MARCHF6: variants seen among roughly 807,000 people sequenced by gnomAD.
MARCHF6 encodes the protein E3 ubiquitin-protein ligase MARCHF6.
MARCHF6 carries 31 observed loss-of-function variants against 133.7 expected under a neutral mutation model. The ratio of observed to expected loss-of-function variants is 0.23; its 90% CI spans 0.17 to 0.31. The LOEUF (loss-of-function observed/expected upper bound fraction) is 0.31, where lower values mean the gene tolerates loss of function less well. Ranked by LOEUF, MARCHF6 falls within the 10% of genes least tolerant of loss-of-function variation. The probability of loss-of-function intolerance (pLI) is 1.00; values close to 1 mark genes in which losing one functional copy is unlikely to be tolerated. For synonymous variants in MARCHF6, 395 were observed against 402.5 expected, an observed-to-expected ratio of 0.98 and a Z score of 0.22; for missense variants, 723 against 1,121.6, an observed-to-expected ratio of 0.64 and a Z score of 5.08.
At chr5:10,386,707 A>C (rs920186243) in intron 4 of MARCHF6, among the ~76,000 whole-genome samples, 1 of 152,216 alleles carries the variant, frequency 6.6e-6, no homozygotes, top group African/African-American at 2.4e-5. Context: ...TCTTTACTTT[A>C]GATTTTTCTT....
At chr5:10,395,090 C>T (rs544275368) in intron 9 of MARCHF6, among the ~76,000 whole-genome samples, 7 of 152,146 alleles carry the variant, frequency 4.6e-5, no homozygotes, top group African/African-American at 1.4e-4. Context: ...TGAGCCACCG[C>T]GCCCGGCCAA....
At position 10,429,926 on chromosome 5, in the gene MARCHF6, G is replaced by A. The variant is rs772510432; in HGVS notation, c.2540G>A (p.Arg847Gln). The change falls in exon 25 of 26, where the codon CGG becomes CAG. Residue 847 changes from arginine (R) to glutamine (Q), a missense_variant. This residue lies in a region of MARCHF6 where 492 missense variants were observed against 699.5 expected (regional missense o/e 0.70). Coordinates refer to ENST00000274140, the MANE Select transcript of MARCHF6 (RefSeq NM_005885.4). ...VTAEMQNLVH[R>Q]RIYPFLLMVV... ...GCGGAAATGCAAAACTTAGTCCATC[G>A]GCGGATTTATCCATTTTTACTGATG... is the stretch of plus-strand genomic sequence containing the variant. 2.5e-6 allele frequency: 4 copies of A among 1,613,126 alleles called. No homozygotes were observed. The highest frequency in any genetic ancestry group is 1.7e-5 in the Admixed American group (1 of 60,000).
At chr5:10,404,718 T>C (rs1220565800) in intron 15 of MARCHF6, among the ~76,000 whole-genome samples, 1 of 152,172 alleles carries the variant, frequency 6.6e-6, no homozygotes, top group African/African-American at 2.4e-5. Flanking sequence ...TGTACTTTGT[T>C]CTTTGAAAGA....
intron 9 of MARCHF6, among the ~76,000 whole-genome samples, chr5:10,395,238 G>GA (rs772768803): frequency 1.3e-5 from 2 of 152,116 alleles, no homozygotes; most frequent in Non-Finnish European, 2.9e-5. Flanking sequence ...TTAGTGTGCT[G>GA]AAAATATTGA....
At chr5:10,429,064 A>G (rs571270403) in intron 24 of MARCHF6, among the ~76,000 whole-genome samples, 69 of 152,314 alleles carry the variant, frequency 4.5e-4, no homozygotes, top group African/African-American at 1.6e-3. Flanking sequence ...TTTAAGGAGT[A>G]AGAGCAGCAT....
intron 24 of MARCHF6, among the ~76,000 whole-genome samples, chr5:10,426,888 G>T (rs1212378636): frequency 6.6e-6 from 1 of 152,026 alleles, no homozygotes; most frequent in African/African-American, 2.4e-5. Context: ...ATATTCTTTG[G>T]CATAAAAGAT....
chr5:10,390,628 G>A (rs903260760), intron 6 of MARCHF6, 128 bp downstream of exon 6: 1 of 921,426 alleles, frequency 1.1e-6, no homozygotes, highest in Non-Finnish European at 1.6e-6. Flanking sequence ...AAGGAGGGCA[G>A]CGGAAAGGTT....
At chr5:10,379,335 C>A (rs566214166) in intron 3 of MARCHF6, among the ~76,000 whole-genome samples, 26 of 151,940 alleles carry the variant, frequency 1.7e-4, no homozygotes, top group Non-Finnish European at 3.7e-4. Context: ...AACTATAATA[C>A]CATTATCCAC....
chr5:10,405,315 TG>T (rs1049831743), intron 15 of MARCHF6, among the ~76,000 whole-genome samples: 21 of 151,910 alleles, frequency 1.4e-4, no homozygotes, highest in Non-Finnish European at 2.8e-4. Flanking sequence ...ACCCAATGAA[TG>T]TTTTTTTTTT....
At chr5:10,363,552 T>C (rs1735951206) in intron 1 of MARCHF6, among the ~76,000 whole-genome samples, 1 of 152,184 alleles carries the variant, frequency 6.6e-6, no homozygotes, top group South Asian at 2.1e-4. Flanking sequence ...GAATGTAAGA[T>C]AGTGTGACTG....
At chr5:10,410,072 T>C in intron 17 of MARCHF6, 67 bp from the exon 18 acceptor site, 1 of 1,510,076 alleles carries the variant, frequency 6.6e-7, no homozygotes, top group Non-Finnish European at 9.1e-7. Flanking sequence ...AGAAGTTGCG[T>C]TGTAATCCCA....
chr5:10,426,455 G>C lies in MARCHF6; in HGVS notation c.2439G>C (p.Val813=). ...HYIVRKLAAP[V]ISVLLLSLCV... is the part of the protein sequence containing the mutation. ...TTGTTCGTAAACTGGCAGCTCCCGT[G>C]ATCTCTGTGCTGTTGCTTTCCCTGT... Residue 813 remains valine (V), a synonymous_variant, in exon 24 of 26, where the codon GTG becomes GTC. Coordinates refer to ENST00000274140, the MANE Select transcript of MARCHF6 (RefSeq NM_005885.4). The C allele has an allele frequency of 6.2e-7, 1 of 1,614,156 alleles. No individual in the cohort carries two copies. Among genetic ancestry groups the C allele is most frequent in the Admixed American group, 1.7e-5 (1 of 60,028 alleles).
At position 10,417,394 on chromosome 5, in the gene MARCHF6, A is replaced by G. The variant is rs1409343810; in HGVS notation, c.2273A>G (p.Tyr758Cys). The G allele has an allele frequency of 6.2e-7, 1 of 1,613,514 alleles. No individual in the cohort carries two copies. Among genetic ancestry groups the G allele is most frequent in the African/African-American group, 1.3e-5 (1 of 74,884 alleles). The change falls in exon 22 of 26, where the codon TAT becomes TGT. Residue 758 changes from tyrosine (Y) to cysteine (C), a missense_variant. Transcript: ENST00000274140. ...CCCTTGGATCAGACTCCTCTTTTTTATCCATGGCAGGTAAATGTATGTCTT... is the reference window on the plus strand; with the variant it reads ...CCCTTGGATCAGACTCCTCTTTTTTGTCCATGGCAGGTAAATGTATGTCTT... ...RVPLDQTPLF[Y>C]PWQDWALGVL...
chr5:10,401,028 C>T (rs139508564), intron 11 of MARCHF6, 186 bp downstream of exon 11: 320 of 526,082 alleles, frequency 6.1e-4, no homozygotes, highest in African/African-American at 5.4e-3. Flanking sequence ...GTCATGTTGC[C>T]AACTAATGAA....
At chr5:10,423,970 TTA>T in intron 23 of MARCHF6, 146 bp downstream of exon 23, 15 of 498,432 alleles carry the variant, frequency 3.0e-5, no homozygotes, top group South Asian at 4.0e-5. Flanking sequence ...TTTTTTTTTT[TTA>T]AAGACAGCAG....
intron 7 of MARCHF6, 95 bp downstream of exon 7, chr5:10,391,826 T>A (rs1337468782): frequency 8.0e-6 from 10 of 1,242,278 alleles, no homozygotes; most frequent in Non-Finnish European, 9.4e-6. Flanking sequence ...ATTTTTAATG[T>A]TGTGAAGTTC....
At chr5:10,385,991 G>T (rs974910052) in intron 4 of MARCHF6, among the ~76,000 whole-genome samples, 4 of 151,342 alleles carry the variant, frequency 2.6e-5, no homozygotes, top group Admixed American at 6.6e-5. Context: ...TCGTATCCTG[G>T]TGGTCTTTCC....
intron 1 of MARCHF6, among the ~76,000 whole-genome samples, chr5:10,364,080 G>C (rs569583286): frequency 7.9e-5 from 12 of 152,298 alleles, no homozygotes; most frequent in Non-Finnish European, 1.5e-4. Flanking sequence ...CTTTAAATTG[G>C]TGAACTTTAT....
intron 4 of MARCHF6, among the ~76,000 whole-genome samples, chr5:10,382,537 TACTC>T (rs902097466): frequency 3.2e-4 from 46 of 144,252 alleles, no homozygotes; most frequent in African/African-American, 1.1e-3. Context: ...TTTAAAAAAA[TACTC>T]ACATGGCCAG....
Sources: allele counts gnomAD v4.1 joint callset (sites outside exome capture counted in the v4.1 genomes callset), GRCh38; gene constraint gnomAD v4.1.1; regional missense constraint gnomAD v4.1.1; transcripts MANE v1.5; gene names NCBI Gene and HGNC (gene_info 2026-07-23, HGNC 2026-07-21).